ADAMTS6: variants seen among roughly 807,000 people sequenced by gnomAD.
ADAMTS6 encodes the protein ADAM metallopeptidase with thrombospondin type 1 motif 6, also known as A disintegrin and metalloproteinase with thrombospondin motifs 6.
A neutral mutation model predicts 144.3 loss-of-function variants in ADAMTS6; 23 were observed. The ratio of observed to expected loss-of-function variants is 0.16; its 90% CI spans 0.11 to 0.23. ADAMTS6 has a LOEUF of 0.23. Among genes scored for constraint, ADAMTS6 ranks in the 10% least tolerant of loss-of-function variants. The pLI is 1.00. For missense variants in ADAMTS6, 999 were observed against 1,379.6 expected, an observed-to-expected ratio of 0.72 and a Z score of 4.37; for synonymous variants, 444 against 457.5, an observed-to-expected ratio of 0.97 and a Z score of 0.38.
intron 15 of ADAMTS6, among the ~76,000 whole-genome samples, chr5:65,241,151 T>C (rs1759144435): frequency 1.3e-5 from 2 of 151,878 alleles, no homozygotes; most frequent in African/African-American, 2.4e-5. Flanking sequence ...AATATAAAGT[T>C]GTCACTATAA....
At chr5:65,391,829 G>A (rs565952472) in intron 7 of ADAMTS6, among the ~76,000 whole-genome samples, 7 of 151,302 alleles carry the variant, frequency 4.6e-5, no homozygotes, top group East Asian at 3.9e-4. Flanking sequence ...TCTGCCTCCC[G>A]GATTCAAGCA....
At chr5:65,431,830 A>G (rs1288610364) in intron 7 of ADAMTS6, among the ~76,000 whole-genome samples, 4 of 152,110 alleles carry the variant, frequency 2.6e-5, no homozygotes, top group African/African-American at 4.8e-5. Flanking sequence ...GCAAACGGAT[A>G]TACAAATAGA....
At chr5:65,415,063 G>A (rs1235632541) in intron 7 of ADAMTS6, among the ~76,000 whole-genome samples, 1 of 151,900 alleles carries the variant, frequency 6.6e-6, no homozygotes, top group Non-Finnish European at 1.5e-5. Context: ...AGAGTATGAG[G>A]AAAAATATTT....
intron 7 of ADAMTS6, among the ~76,000 whole-genome samples, chr5:65,392,927 G>A: frequency 6.6e-6 from 1 of 152,110 alleles, no homozygotes; most frequent in East Asian, 1.9e-4. Context: ...ATCTCAAGAT[G>A]TGAGTAGTAT....
At chr5:65,404,774 G>A (rs1191476081) in intron 7 of ADAMTS6, among the ~76,000 whole-genome samples, 1 of 152,160 alleles carries the variant, frequency 6.6e-6, no homozygotes, top group Non-Finnish European at 1.5e-5. Flanking sequence ...AGTGTAAAGT[G>A]TTCCTATTTC....
chr5:65,340,172 A>G (rs888067558), intron 7 of ADAMTS6, among the ~76,000 whole-genome samples: 1 of 152,170 alleles, frequency 6.6e-6, no homozygotes, highest in Admixed American at 6.5e-5. Flanking sequence ...ACTAACAGCT[A>G]ATTTCTCAGC....
At chr5:65,435,632 ATT>A (rs34886866) in intron 7 of ADAMTS6, among the ~76,000 whole-genome samples, 1 of 149,046 alleles carries the variant, frequency 6.7e-6, no homozygotes, top group Non-Finnish European at 1.5e-5. Context: ...TTATATTTTA[ATT>A]TTTTTTTTTG....
Position 65,261,951 on chromosome 5 carries a change from AAAAAAAGG to A in ADAMTS6, c.1766+858_1766+865del, listed in dbSNP as rs1761234023. ...CCATCTTTTATTTCAGAATGAGAAA[AAAAAAAGG>A]AAAAGCCGTTATCATAACATCATTC... On this transcript the variant is annotated intron_variant, in intron 13 of 24. Coordinates refer to ENST00000381055, the MANE Select transcript of ADAMTS6 (RefSeq NM_197941.4). 3.3e-5 allele frequency among the ~76,000 whole-genome samples: 5 copies of A among 152,134 alleles called. No homozygotes were observed. In the South Asian group the frequency reaches 1.0e-3, roughly 32 times the overall value.
Position 65,151,771 on chromosome 5 carries a change from G to A in ADAMTS6, c.*65C>T. 1.4e-6 allele frequency: 2 copies of A among 1,380,304 alleles called. No individual in the cohort carries two copies. Among genetic ancestry groups the A allele is most frequent in the Non-Finnish European group, 2.1e-6 (2 of 974,428 alleles). 85.5% of individuals were successfully genotyped at this position (1,380,304 alleles called of 1,614,324 possible). ...GGACATCAATCCTCTTCCTCTGGGT[G>A]GCTCTCTTTGATGGATGCATTTCCA... is the stretch of plus-strand genomic sequence containing the variant. On this transcript the variant is annotated 3_prime_UTR_variant, in exon 25 of 25. Transcript: ENST00000381055.
chr5:65,293,686 G>T (rs577980567), intron 10 of ADAMTS6, among the ~76,000 whole-genome samples: 1 of 152,076 alleles, frequency 6.6e-6, no homozygotes, highest in Admixed American at 6.5e-5. Flanking sequence ...CATGGTTCAT[G>T]TTCTTTAAAA....
At chr5:65,427,094 T>C (rs1004501544) in intron 7 of ADAMTS6, among the ~76,000 whole-genome samples, 1 of 151,950 alleles carries the variant, frequency 6.6e-6, no homozygotes, top group Non-Finnish European at 1.5e-5. Context: ...GGGTTAGAAG[T>C]AAAAGGATAG....
At chr5:65,314,678 G>A (rs1744818620) in intron 9 of ADAMTS6, among the ~76,000 whole-genome samples, 1 of 152,088 alleles carries the variant, frequency 6.6e-6, no homozygotes, top group Non-Finnish European at 1.5e-5. Context: ...TACTCCTGGA[G>A]AAACAAGAAT....
chr5:65,228,654 C>T (rs775798784), intron 15 of ADAMTS6, among the ~76,000 whole-genome samples: 1 of 152,158 alleles, frequency 6.6e-6, no homozygotes, highest in Non-Finnish European at 1.5e-5. Context: ...TCACCTGTAT[C>T]ACACCTCCCT....
chr5:65,165,798 G>A (rs1339844950), intron 24 of ADAMTS6, among the ~76,000 whole-genome samples: 4 of 111,068 alleles, frequency 3.6e-5, no homozygotes, highest in Admixed American at 2.0e-4. Context: ...ATAAGTGAAG[G>A]AGAAATAAAA....
At chr5:65,398,889 G>A (rs959941471) in intron 7 of ADAMTS6, among the ~76,000 whole-genome samples, 1 of 152,084 alleles carries the variant, frequency 6.6e-6, no homozygotes, top group African/African-American at 2.4e-5. Flanking sequence ...AAAGAAGCAA[G>A]CTAATTCTGC....
intron 8 of ADAMTS6, among the ~76,000 whole-genome samples, chr5:65,330,395 C>T (rs1746596643): frequency 1.3e-5 from 2 of 152,026 alleles, no homozygotes; most frequent in Non-Finnish European, 2.9e-5. Flanking sequence ...ATTTCATGCA[C>T]ATAGAAACAA....
chr5:65,287,529 ATTTG>A (rs747187173), intron 11 of ADAMTS6, among the ~76,000 whole-genome samples: 6 of 151,562 alleles, frequency 4.0e-5, no homozygotes, highest in Non-Finnish European at 7.4e-5. Flanking sequence ...AATAATTATG[ATTTG>A]TTTGTTTGTT....
intron 15 of ADAMTS6, among the ~76,000 whole-genome samples, chr5:65,231,281 G>A (rs1458766658): frequency 6.6e-6 from 1 of 151,858 alleles, no homozygotes; most frequent in Admixed American, 6.6e-5. Flanking sequence ...ACTGTAATAA[G>A]AGACAAAGAA....
In ADAMTS6 at chr5:65,455,848, G is replaced by T. The variant is rs1372621751; in HGVS notation, c.632-2930C>A. On this transcript the variant is annotated intron_variant, in intron 4 of 24. Coordinates refer to ENST00000381055, the MANE Select transcript of ADAMTS6 (RefSeq NM_197941.4). ...AAAACAAAAATGTATTCAGTGTAAG[G>T]TAGTTGCTGTTATCATCATCTTTGT... is the stretch of plus-strand genomic sequence containing the variant. 3.3e-5 allele frequency among the ~76,000 whole-genome samples: 5 copies of T among 151,796 alleles called. No individual in the cohort carries two copies. The East Asian group carries it at 9.7e-4, about 29-fold the overall frequency.
Sources: gnomAD v4.1 joint callset for allele counts (sites outside exome capture counted in the v4.1 genomes callset) on GRCh38, gnomAD v4.1.1 for gene constraint, MANE v1.5 for transcripts, NCBI Gene and HGNC (gene_info 2026-07-23, HGNC 2026-07-21) for gene names.